SYCP2L: variants seen among roughly 807,000 people sequenced by gnomAD.
SYCP2L encodes the protein synaptonemal complex protein 2-like.
Under a neutral mutation model 125.8 loss-of-function variants are expected in SYCP2L, and 98 were observed. That is an observed-to-expected ratio of 0.78 (90% CI 0.66 to 0.92). SYCP2L has a LOEUF of 0.92. Among genes scored for constraint, SYCP2L ranks in the 40% least tolerant of loss-of-function variants. The probability of loss-of-function intolerance (pLI) is 0.00; values close to 1 mark genes in which losing one functional copy is unlikely to be tolerated. For synonymous variants in SYCP2L, 317 were observed against 325.4 expected, an observed-to-expected ratio of 0.97 and a Z score of 0.28; for missense variants, 842 against 936.4, an observed-to-expected ratio of 0.90 and a Z score of 1.32.
At chr6:10,895,622 A>G (rs1780244181) in intron 4 of SYCP2L, among the ~76,000 whole-genome samples, 1 of 132,160 alleles carries the variant, frequency 7.6e-6, no homozygotes, top group Non-Finnish European at 1.7e-5. Context: ...AGGAGAAAGG[A>G]GAACAAAAGG....
At chr6:10,894,762 A>G (rs1042960421) in intron 4 of SYCP2L, among the ~76,000 whole-genome samples, 5 of 152,226 alleles carry the variant, frequency 3.3e-5, no homozygotes, top group African/African-American at 1.2e-4. Context: ...ATCTGGAAGT[A>G]AAGCAGAATC....
intron 16 of SYCP2L, among the ~76,000 whole-genome samples, chr6:10,926,796 T>C (rs1378994552): frequency 1.3e-5 from 2 of 151,422 alleles, no homozygotes; most frequent in Non-Finnish European, 3.0e-5. Context: ...TTTTTTTTTT[T>C]TGAGATGGAG....
At chr6:10,919,999 C>G (rs1023404353) in intron 14 of SYCP2L, among the ~76,000 whole-genome samples, 1 of 152,060 alleles carries the variant, frequency 6.6e-6, no homozygotes, top group Admixed American at 6.6e-5. Flanking sequence ...TTAAAGGGGA[C>G]TTGGCATGAA....
At chr6:10,952,942 A>G (rs1215790996) in intron 23 of SYCP2L, among the ~76,000 whole-genome samples, 1 of 152,214 alleles carries the variant, frequency 6.6e-6, no homozygotes, top group African/African-American at 2.4e-5. Flanking sequence ...TGCCTCTCAC[A>G]GATAAGAGTA....
chr6:10,909,913 C>T (rs1780575331), intron 10 of SYCP2L, among the ~76,000 whole-genome samples: 1 of 152,152 alleles, frequency 6.6e-6, no homozygotes. Context: ...TATTCCTCAG[C>T]TGAAAATCTA....
intron 9 of SYCP2L, among the ~76,000 whole-genome samples, chr6:10,906,410 T>C (rs572106822): frequency 6.6e-6 from 1 of 152,312 alleles, no homozygotes; most frequent in African/African-American, 2.4e-5. Context: ...CAAGCATATT[T>C]TTCTACTTTT....
At chr6:10,941,479 G>T (rs1375330090) in intron 21 of SYCP2L, among the ~76,000 whole-genome samples, 2 of 152,174 alleles carry the variant, frequency 1.3e-5, no homozygotes, top group South Asian at 2.1e-4. Context: ...CCATCCAAAA[G>T]TGGGCAAAGG....
chr6:10,963,428 T>G, intron 28 of SYCP2L: 1 of 272,364 alleles, frequency 3.7e-6, no homozygotes, highest in East Asian at 9.6e-5. Context: ...TATGTTTTCA[T>G]GTCAGTGATG....
At chr6:10,935,939 G>A (rs554607570) in intron 21 of SYCP2L, among the ~76,000 whole-genome samples, 2 of 152,056 alleles carry the variant, frequency 1.3e-5, no homozygotes, top group Non-Finnish European at 2.9e-5. Context: ...ATCTGACTTG[G>A]GGGCCAGAGT....
intron 14 of SYCP2L, among the ~76,000 whole-genome samples, chr6:10,920,318 A>C (rs190283194): frequency 4.2e-4 from 64 of 152,196 alleles, no homozygotes; most frequent in African/African-American, 1.5e-3. Context: ...CCTGTGTTCA[A>C]ACGATTCTCC....
chr6:10,888,198 G>A (rs1406743655), intron 1 of SYCP2L, among the ~76,000 whole-genome samples: 1 of 142,754 alleles, frequency 7.0e-6, no homozygotes, highest in African/African-American at 2.6e-5. Flanking sequence ...CCGGGTTCAA[G>A]CGATTCTCCT....
intron 9 of SYCP2L, among the ~76,000 whole-genome samples, chr6:10,906,701 G>A (rs1025591850): frequency 1.6e-4 from 24 of 151,546 alleles, no homozygotes; most frequent in East Asian, 9.7e-4. Flanking sequence ...GTTTTCAAGC[G>A]ACTCTCCTGC....
intron 8 of SYCP2L, among the ~76,000 whole-genome samples, chr6:10,903,971 T>C (rs1003363123): frequency 6.6e-6 from 1 of 152,206 alleles, no homozygotes; most frequent in African/African-American, 2.4e-5. Context: ...ATCCTAGTTT[T>C]GCCACTTTTG....
At position 10,932,762 on chromosome 6, in the gene SYCP2L, T is replaced by A. The variant is rs182997349; in HGVS notation, c.1683+1273T>A. Among the ~76,000 whole-genome samples the A allele has an allele frequency of 5.2e-3, 791 of 151,320 alleles. 9 individuals are homozygous for A. Among genetic ancestry groups the A allele is most frequent in the South Asian group, 0.014 (67 of 4,784 alleles). On this transcript the variant is annotated intron_variant, in intron 20 of 29. Transcript: ENST00000283141. The stretch of plus-strand genomic sequence containing the variant: ...AGAAATACCACAGCTTCAAAAAAAA[T>A]TTTTTTTTTGAGACGGAGTCTTGCT...
intron 20 of SYCP2L, among the ~76,000 whole-genome samples, chr6:10,934,584 G>A (rs979995762): frequency 6.6e-6 from 1 of 152,220 alleles, no homozygotes; most frequent in Non-Finnish European, 1.5e-5. Flanking sequence ...TGAGGCTGAG[G>A]CACGAGAATT....
At chr6:10,968,198 C>T (rs1448001861) in intron 29 of SYCP2L, among the ~76,000 whole-genome samples, 1 of 152,166 alleles carries the variant, frequency 6.6e-6, no homozygotes, top group Non-Finnish European at 1.5e-5. Context: ...AGAATCAAGA[C>T]ATCTGTGATG....
intron 4 of SYCP2L, among the ~76,000 whole-genome samples, chr6:10,897,372 AT>A (rs1431616282): frequency 2.0e-5 from 3 of 147,614 alleles, no homozygotes; most frequent in Non-Finnish European, 4.5e-5. Flanking sequence ...AGATCGCAAG[AT>A]TTTTTTTCCA....
chr6:10,917,295 A>G (rs1393094632), intron 14 of SYCP2L, among the ~76,000 whole-genome samples: 1 of 152,156 alleles, frequency 6.6e-6, no homozygotes, highest in South Asian at 2.1e-4. Context: ...TCTTAAGTCT[A>G]TTAGTAATTG....
chr6:10,909,116 A>ATT (rs67767345), intron 10 of SYCP2L, among the ~76,000 whole-genome samples: 18,091 of 93,516 alleles, frequency 0.19, 2,005 homozygotes, highest in Middle Eastern at 0.23. Flanking sequence ...TCTCAATTGA[A>ATT]TTTTTTTTTT....
Sources: gnomAD v4.1 joint callset for allele counts (sites outside exome capture counted in the v4.1 genomes callset) on GRCh38, gnomAD v4.1.1 for gene constraint, MANE v1.5 for transcripts, NCBI Gene and HGNC (gene_info 2026-07-23, HGNC 2026-07-21) for gene names.